Variants in APBA1 observed in about 807,000 individuals in gnomAD.
APBA1 encodes the protein amyloid-beta A4 precursor protein-binding family A member 1.
A neutral mutation model predicts 86.6 loss-of-function variants in APBA1; 55 were observed. The observed-to-expected ratio is 0.64, with a 90% confidence interval of 0.51 to 0.80. The LOEUF (loss-of-function observed/expected upper bound fraction) is 0.80. Among genes scored for constraint, APBA1 ranks in the 30% least tolerant of loss-of-function variants. The pLI, the probability that APBA1 is intolerant of heterozygous loss-of-function variation, is 0.00. For synonymous variants in APBA1, 511 were observed against 493.9 expected (o/e 1.03, Z -0.46); for missense variants, 1,090 against 1,183.0 (o/e 0.92, Z 1.15).
intron 1 of APBA1, among the ~76,000 whole-genome samples, chr9:69,527,856 C>A (rs1374808587): frequency 1.3e-5 from 2 of 152,094 alleles, no homozygotes; most frequent in East Asian, 1.9e-4. Flanking sequence ...ATTCTATAAT[C>A]ATTTTTTGTT....
intron 1 of APBA1, among the ~76,000 whole-genome samples, chr9:69,530,545 A>G (rs1193083819): frequency 6.6e-6 from 1 of 152,070 alleles, no homozygotes; most frequent in Non-Finnish European, 1.5e-5. Context: ...GATGGAAACT[A>G]TAGATACCAG....
chr9:69,444,925 C>G (rs1289839435), intron 10 of APBA1, among the ~76,000 whole-genome samples: 1 of 152,170 alleles, frequency 6.6e-6, no homozygotes, highest in African/African-American at 2.4e-5. Context: ...GGAGTCCCTT[C>G]ACCCTTTTCT....
intron 1 of APBA1, among the ~76,000 whole-genome samples, chr9:69,631,112 G>C (rs544726840): frequency 6.6e-6 from 1 of 152,310 alleles, no homozygotes; most frequent in South Asian, 2.1e-4. Context: ...CTGGTACTTG[G>C]TAGATGCTAC....
chr9:69,552,279 T>TC (rs1329893204), intron 1 of APBA1, among the ~76,000 whole-genome samples: 2 of 152,256 alleles, frequency 1.3e-5, no homozygotes, highest in African/African-American at 4.8e-5. Context: ...CCTAGATATG[T>TC]CCTCCACCTT....
chr9:69,569,611 T>A (rs1024652471), intron 1 of APBA1, among the ~76,000 whole-genome samples: 2 of 152,148 alleles, frequency 1.3e-5, no homozygotes, highest in African/African-American at 4.8e-5. Context: ...CTCAAAAAAA[T>A]ATCTACTTCT....
Position 69,517,140 on chromosome 9 carries a change from G to C in APBA1, c.71C>G (p.Ser24Trp). 1 of 1,567,104 alleles carries C rather than the reference G, an allele frequency of 6.4e-7. No homozygotes were observed. Among genetic ancestry groups the C allele is most frequent in the South Asian group, 1.2e-5 (1 of 85,058 alleles). Residue 24 changes from serine to tryptophan, a missense_variant, in exon 2 of 13, where the codon TCG becomes TGG. This residue lies in a region of APBA1 where 678 missense variants were observed against 647.1 expected (regional missense o/e 1.05). Coordinates refer to ENST00000265381, the MANE Select transcript of APBA1 (RefSeq NM_001163.4). ...DEAAGGEVNE[S>W]VEADLEHPEV... ...GGGGTGCTCCAGGTCGGCCTCCACC[G>C]ACTCGTTCACCTCCCCACCTGCCGC...
At chr9:69,549,879 T>C (rs1422125011) in intron 1 of APBA1, among the ~76,000 whole-genome samples, 1 of 152,212 alleles carries the variant, frequency 6.6e-6, no homozygotes, top group Non-Finnish European at 1.5e-5. Context: ...GCTGAAAAAT[T>C]GGAACTGAGT....
chr9:69,660,468 A>T (rs1202423353), intron 1 of APBA1, among the ~76,000 whole-genome samples: 1 of 152,178 alleles, frequency 6.6e-6, no homozygotes, highest in East Asian at 1.9e-4. Flanking sequence ...CACTTTAGTT[A>T]TCATCTAACA....
At chr9:69,496,871 G>C (rs1461496411) in intron 2 of APBA1, among the ~76,000 whole-genome samples, 1 of 151,974 alleles carries the variant, frequency 6.6e-6, no homozygotes, top group African/African-American at 2.4e-5. Flanking sequence ...AAATTGCACT[G>C]GTTTCCATTT....
intron 1 of APBA1, among the ~76,000 whole-genome samples, chr9:69,647,648 T>A (rs1015217336): frequency 1.6e-4 from 25 of 152,226 alleles, no homozygotes; most frequent in African/African-American, 5.8e-4. Flanking sequence ...TGCATGCCAT[T>A]AAACAGAAAG....
intron 1 of APBA1, among the ~76,000 whole-genome samples, chr9:69,665,366 C>T (rs1823824390): frequency 6.6e-6 from 1 of 152,206 alleles, no homozygotes; most frequent in Non-Finnish European, 1.5e-5. Context: ...CTATTCTGAA[C>T]TCAAGTCCTC....
intron 1 of APBA1, among the ~76,000 whole-genome samples, chr9:69,568,200 T>C (rs1396099364): frequency 1.3e-5 from 2 of 152,108 alleles, no homozygotes; most frequent in Non-Finnish European, 2.9e-5. Flanking sequence ...CCATGCCCTA[T>C]GTAGAATTTC....
intron 1 of APBA1, among the ~76,000 whole-genome samples, chr9:69,618,752 T>C (rs1002328829): frequency 6.6e-6 from 1 of 152,204 alleles, no homozygotes; most frequent in Non-Finnish European, 1.5e-5. Context: ...GGCTCAAGAT[T>C]TGTCATAAGA....
rs927880124 is a variant in APBA1 at position 69,467,965 on chromosome 9, G to A, written c.1340C>T (p.Pro447Leu). The change falls in exon 5 of 13, where the codon CCG becomes CTG. Residue 447 changes from proline (P) to leucine (L), a missense_variant. By Grantham distance (98) the Pro-to-Leu change is moderately conservative. This residue lies in a region of APBA1 where 76 missense variants were observed against 122.2 expected (regional missense o/e 0.62). Transcript: ENST00000265381. ...LASFPTYVEV[P>L]GPCDPEDLID... ...CAAGTCTTCGGGGTCGCAGGGTCCC[G>A]GAACTGTAACACATAGAGCCACAGT... The A allele has an allele frequency of 1.9e-6, 3 of 1,613,940 alleles. No homozygotes were observed. The highest frequency in any genetic ancestry group is 1.1e-5 in the South Asian group (1 of 91,040).
chr9:69,434,786 C>CTT (rs1039540074), intron 11 of APBA1, among the ~76,000 whole-genome samples: 6 of 151,396 alleles, frequency 4.0e-5, no homozygotes, highest in African/African-American at 1.5e-4. Context: ...AAAATGTCCA[C>CTT]TTTAACGTTT....
At chr9:69,500,564 A>G (rs900418528) in intron 2 of APBA1, among the ~76,000 whole-genome samples, 2 of 152,072 alleles carry the variant, frequency 1.3e-5, no homozygotes, top group African/African-American at 2.4e-5. Context: ...AGAGAGATAC[A>G]GGAGAACGAT....
At chr9:69,494,990 T>C (rs927064972) in intron 2 of APBA1, among the ~76,000 whole-genome samples, 1 of 152,128 alleles carries the variant, frequency 6.6e-6, no homozygotes, top group African/African-American at 2.4e-5. Flanking sequence ...ACACAGAGCA[T>C]GGAATTGGAG....
chr9:69,588,255 G>A (rs1430608587), intron 1 of APBA1, among the ~76,000 whole-genome samples: 1 of 152,128 alleles, frequency 6.6e-6, no homozygotes, highest in Non-Finnish European at 1.5e-5. Context: ...GCATATTGGA[G>A]AAACAGAAAA....
In APBA1 at chr9:69,517,055, C is replaced by G; in HGVS notation, c.156G>C (p.Gln52His). The G allele has an allele frequency of 6.3e-7, 1 of 1,583,320 alleles. No individual in the cohort carries two copies. Among genetic ancestry groups the G allele is most frequent in the Non-Finnish European group, 8.5e-7 (1 of 1,170,950 alleles). ...GGAGGTCCTCGAGGGCTCGCCCGCG[C>G]TGGTGGCGGCCCACATAGTGCTGCT... ...PQQQHYVGRH[Q>H]RGRALEDLRA... Residue 52 changes from glutamine (Q) to histidine (H), a missense_variant, in exon 2 of 13, where the codon CAG becomes CAC. By Grantham distance (24) the Gln-to-His change is conservative. This residue lies in a region of APBA1 where 678 missense variants were observed against 647.1 expected (regional missense o/e 1.05). Transcript: ENST00000265381.
Sources: allele counts gnomAD v4.1 joint callset (sites outside exome capture counted in the v4.1 genomes callset), GRCh38; gene constraint gnomAD v4.1.1; regional missense constraint gnomAD v4.1.1; transcripts MANE v1.5; gene names NCBI Gene and HGNC (gene_info 2026-07-23, HGNC 2026-07-21).